The following BZW2 variants were observed in gnomAD, a reference collection of about 807,000 sequenced individuals.
BZW2 encodes eIF5-mimic protein 1.
In BZW2, 23 loss-of-function variants were observed where a neutral mutation model predicts 53.2. That is an observed-to-expected ratio of 0.43 (90% CI 0.31 to 0.61). The LOEUF is 0.61. BZW2 is among the 20% of genes least tolerant of loss of function. The probability of loss-of-function intolerance (pLI) is 0.09; values close to 1 mark genes in which losing one functional copy is unlikely to be tolerated. For missense variants in BZW2, 409 were observed against 503.1 expected (o/e 0.81, Z 1.79); for synonymous variants, 227 against 186.4 (o/e 1.22, Z -1.77).
At chr7:16,701,439 A>C (rs1783663739) in intron 10 of BZW2, among the ~76,000 whole-genome samples, 1 of 152,090 alleles carries the variant, frequency 6.6e-6, no homozygotes, top group African/African-American at 2.4e-5. Context: ...TTTTTATTCT[A>C]GTTCTAAAAA....
At chr7:16,691,444 G>A (rs555697807) in intron 7 of BZW2, among the ~76,000 whole-genome samples, 5 of 152,226 alleles carry the variant, frequency 3.3e-5, no homozygotes, top group Non-Finnish European at 5.9e-5. Context: ...CTCTATCTTG[G>A]CTAAGCCTGG....
intron 1 of BZW2, among the ~76,000 whole-genome samples, chr7:16,646,581 G>C (rs927928896): frequency 2.6e-5 from 4 of 152,168 alleles, no homozygotes. Flanking sequence ...GAAGTGGCGG[G>C]TGCACATGGT....
chr7:16,697,511 C>T (rs1175435775), intron 9 of BZW2, among the ~76,000 whole-genome samples: 1 of 152,170 alleles, frequency 6.6e-6, no homozygotes, highest in Non-Finnish European at 1.5e-5. Flanking sequence ...GAGAACATAG[C>T]AGTGAGTAAA....
At chr7:16,702,656 A>G (rs1783705761) in intron 10 of BZW2, among the ~76,000 whole-genome samples, 1 of 152,110 alleles carries the variant, frequency 6.6e-6, no homozygotes, top group Non-Finnish European at 1.5e-5. Context: ...TGTGCTCTCA[A>G]CCTTCAAAAG....
At chr7:16,685,572 T>C (rs1171402923) in intron 5 of BZW2, among the ~76,000 whole-genome samples, 1 of 152,208 alleles carries the variant, frequency 6.6e-6, no homozygotes, top group Admixed American at 6.5e-5. Flanking sequence ...ATGTCCATCA[T>C]GTATACTTAA....
intron 11 of BZW2, among the ~76,000 whole-genome samples, chr7:16,705,421 C>G (rs768769412): frequency 6.6e-6 from 1 of 152,166 alleles, no homozygotes; most frequent in African/African-American, 2.4e-5. Flanking sequence ...CACGGTGGCT[C>G]ACGCCTGTAA....
chr7:16,678,998 AGAATTACT>A (rs1178083699), intron 3 of BZW2, among the ~76,000 whole-genome samples: 1 of 152,218 alleles, frequency 6.6e-6, no homozygotes, highest in Admixed American at 6.5e-5. Flanking sequence ...GGGCGAAATT[AGAATTACT>A]GATGAAGGTC....
intron 6 of BZW2, chr7:16,688,423 G>T (rs1783198563): frequency 6.6e-6 from 1 of 152,216 alleles, no homozygotes; most frequent in Non-Finnish European, 1.5e-5. Context: ...CTGATTGGCT[G>T]ACACAGGCTG....
At chr7:16,648,065 G>C (rs1781912056) in intron 1 of BZW2, among the ~76,000 whole-genome samples, 1 of 152,152 alleles carries the variant, frequency 6.6e-6, no homozygotes, top group Non-Finnish European at 1.5e-5. Context: ...CATCTACCTA[G>C]AAATGCAAAT....
At chr7:16,669,834 C>T (rs1054653877) in intron 2 of BZW2, among the ~76,000 whole-genome samples, 1 of 152,122 alleles carries the variant, frequency 6.6e-6, no homozygotes, top group Non-Finnish European at 1.5e-5. Context: ...AAATTGGAGA[C>T]CCTAATTATA....
intron 2 of BZW2, among the ~76,000 whole-genome samples, chr7:16,671,512 C>G (rs1449163044): frequency 6.6e-6 from 1 of 152,162 alleles, no homozygotes; most frequent in Non-Finnish European, 1.5e-5. Flanking sequence ...CACAAGAGTA[C>G]TATTGCCTGT....
Position 16,665,581 on chromosome 7 carries a change from G to A in BZW2, c.58+80G>A, listed in dbSNP as rs537174906. On this transcript the variant is annotated intron_variant, in intron 2 of 11. Transcript: ENST00000258761. Reference sequence around the variant, plus strand: ...TTGGAGAAGAATCTGAATGATCCCTGTTTCCCCCAGCCTCACTGATTCTAC... The same window carrying A: ...TTGGAGAAGAATCTGAATGATCCCTATTTCCCCCAGCCTCACTGATTCTAC... The A allele has an allele frequency of 5.1e-6, 8 of 1,560,934 alleles. No individual in the cohort carries two copies. The African/African-American group carries it at 6.8e-5, about 13-fold the overall frequency.
At position 16,693,852 on chromosome 7, in the gene BZW2, G is replaced by A. The variant is rs1583747120; in HGVS notation, c.652-982G>A. On this transcript the variant is annotated intron_variant, in intron 7 of 11. Coordinates refer to ENST00000258761, the MANE Select transcript of BZW2 (RefSeq NM_014038.3). The stretch of plus-strand genomic sequence containing the variant: ...ATGACTCAACAGGGGAAATTAATAG[G>A]ATGATAGAACATTGAAATTTGAATC... Among the ~76,000 whole-genome samples, 3 of 152,282 alleles carry A rather than the reference G, an allele frequency of 2.0e-5. No homozygotes were observed. In the South Asian group the frequency reaches 6.2e-4, roughly 32 times the overall value.
At chr7:16,699,299 G>A (rs1783597056) in intron 10 of BZW2, among the ~76,000 whole-genome samples, 1 of 152,150 alleles carries the variant, frequency 6.6e-6, no homozygotes, top group Non-Finnish European at 1.5e-5. Flanking sequence ...AGATAGCAGT[G>A]TCCTAAAACT....
intron 10 of BZW2, among the ~76,000 whole-genome samples, chr7:16,702,387 C>A (rs928564371): frequency 6.6e-6 from 1 of 152,132 alleles, no homozygotes; most frequent in Non-Finnish European, 1.5e-5. Flanking sequence ...GTAGTTGTTA[C>A]TACCCTGGGT....
intron 2 of BZW2, among the ~76,000 whole-genome samples, chr7:16,673,358 G>A (rs1341759030): frequency 3.9e-5 from 6 of 152,092 alleles, no homozygotes; most frequent in African/African-American, 7.2e-5. Flanking sequence ...AGATATTCAC[G>A]TCTTTCACAC....
chr7:16,665,343 G>C lies in BZW2; in HGVS notation c.-7-94G>C, dbSNP rs1583709357. 7 of 1,435,978 alleles carry C rather than the reference G, an allele frequency of 4.9e-6. No individual in the cohort carries two copies. In the East Asian group the frequency reaches 1.6e-4, roughly 33 times the overall value. 89.0% of individuals were successfully genotyped at this position (1,435,978 alleles called of 1,614,324 possible). ...AAGAGGCATATTCAGTAATGAGTGA[G>C]GTTGAACATATGTTCAACCAAACTT... is the stretch of plus-strand genomic sequence containing the variant. On this transcript the variant is annotated intron_variant, in intron 1 of 11. Coordinates refer to ENST00000258761, the MANE Select transcript of BZW2 (RefSeq NM_014038.3).
In BZW2 at chr7:16,698,198, C is replaced by T. The variant is rs764548319; in HGVS notation, c.1108+12C>T. ...TCTCTTTTATAAAGGTATCCATCCA[C>T]GTGCCACTGCTGTGCTTCTGTGTTT... On this transcript the variant is annotated intron_variant, in intron 10 of 11. Transcript: ENST00000258761. 13 of 1,613,816 alleles carry T rather than the reference C, an allele frequency of 8.1e-6. No individual in the cohort carries two copies. Among genetic ancestry groups the T allele is most frequent in the East Asian group, 4.5e-5 (2 of 44,878 alleles).
intron 10 of BZW2, 63 bp from the exon 11 acceptor site, chr7:16,704,484 T>A: frequency 1.4e-6 from 2 of 1,429,146 alleles, no homozygotes; most frequent in South Asian, 3.1e-5. Context: ...CTGTAATACA[T>A]GAAGTTGTTT....
Sources: allele counts gnomAD v4.1 joint callset (sites outside exome capture counted in the v4.1 genomes callset), GRCh38; gene constraint gnomAD v4.1.1; transcripts MANE v1.5; gene names NCBI Gene and HGNC (gene_info 2026-07-23, HGNC 2026-07-21).